Variants in PXDNL observed in about 807,000 individuals in gnomAD.
PXDNL encodes probable oxidoreductase PXDNL.
In PXDNL, 145 loss-of-function variants were observed where a neutral mutation model predicts 150.8. That is an observed-to-expected ratio of 0.96 (90% CI 0.84 to 1.10). PXDNL has a LOEUF of 1.10. Ranked by LOEUF, PXDNL falls within the 50% of genes least tolerant of loss-of-function variation. The pLI, the probability that PXDNL is intolerant of heterozygous loss-of-function variation, is 0.00. For synonymous variants in PXDNL, 757 were observed against 725.7 expected (o/e 1.04, Z -0.69); for missense variants, 2,087 against 1,873.9 (o/e 1.11, Z -2.10).
chr8:51,436,042 A>G, intron 12 of PXDNL: 1 of 528,400 alleles, frequency 1.9e-6, no homozygotes, highest in South Asian at 1.4e-5. Flanking sequence ...TGTTCAAAAT[A>G]GTCATAGCCT....
At chr8:51,648,377 A>C (rs773211613) in intron 2 of PXDNL, among the ~76,000 whole-genome samples, 2 of 152,222 alleles carry the variant, frequency 1.3e-5, no homozygotes, top group African/African-American at 2.4e-5. Flanking sequence ...GAGACTCTAC[A>C]GACACTGAAT....
chr8:51,700,402 TACAC>T (rs144729608), intron 1 of PXDNL, among the ~76,000 whole-genome samples: 2 of 150,144 alleles, frequency 1.3e-5, no homozygotes, highest in African/African-American at 2.5e-5. Context: ...GAGATATAAA[TACAC>T]ACACACAAAC....
chr8:51,426,505 C>A (rs897853136), intron 13 of PXDNL, 141 bp downstream of exon 13: 5 of 539,354 alleles, frequency 9.3e-6, no homozygotes, highest in African/African-American at 7.7e-5. Context: ...GGAAGTAAAC[C>A]TGCTGCAATG....
chr8:51,765,989 G>A (rs960885835), intron 1 of PXDNL, among the ~76,000 whole-genome samples: 5 of 151,548 alleles, frequency 3.3e-5, no homozygotes, highest in Admixed American at 6.6e-5. Flanking sequence ...CACTACAGGC[G>A]CCCGCCACCA....
At chr8:51,777,194 G>A (rs1234505980) in intron 1 of PXDNL, among the ~76,000 whole-genome samples, 15 of 152,182 alleles carry the variant, frequency 9.9e-5, no homozygotes, top group Admixed American at 9.8e-4. Context: ...GGGAATACGA[G>A]TTCCAATCTT....
intron 4 of PXDNL, among the ~76,000 whole-genome samples, chr8:51,504,142 T>C (rs1378954349): frequency 2.0e-5 from 3 of 152,174 alleles, no homozygotes; most frequent in Non-Finnish European, 4.4e-5. Context: ...TCCATTCTCC[T>C]CTTACCCACT....
chr8:51,570,971 T>C (rs1344572580), intron 3 of PXDNL, among the ~76,000 whole-genome samples: 1 of 151,846 alleles, frequency 6.6e-6, no homozygotes, highest in African/African-American at 2.4e-5. Context: ...AAGTTTCTCC[T>C]ATATCCTAAA....
chr8:51,379,740 G>T (rs1470988010), intron 17 of PXDNL, among the ~76,000 whole-genome samples: 1 of 151,888 alleles, frequency 6.6e-6, no homozygotes, highest in Non-Finnish European at 1.5e-5. Context: ...TTTCCCCAAT[G>T]CCATAGAGAT....
At chr8:51,738,539 C>T (rs1465182590) in intron 1 of PXDNL, among the ~76,000 whole-genome samples, 2 of 151,904 alleles carry the variant, frequency 1.3e-5, no homozygotes, top group East Asian at 3.9e-4. Flanking sequence ...TATATTGCAA[C>T]TTAGCTAAAC....
Position 51,457,568 on chromosome 8 carries a change from C to T in PXDNL, c.912G>A (p.Gln304=). The T allele has an allele frequency of 6.2e-7, 1 of 1,611,292 alleles. No individual in the cohort carries two copies. The highest frequency in any genetic ancestry group is 8.5e-7 in the Non-Finnish European group (1 of 1,179,824). The change falls in exon 9 of 23, where the codon CAG becomes CAA. Residue 304 remains glutamine (Q), a synonymous_variant. Coordinates refer to ENST00000356297, the MANE Select transcript of PXDNL (RefSeq NM_144651.5). ...CCCCAGCGGAATTTCTGGCCATGCACTGATAGACACCTTGGTCTGACTCTC... is the reference window on the plus strand; with the variant it reads ...CCCCAGCGGAATTTCTGGCCATGCATTGATAGACACCTTGGTCTGACTCTC... ...NTRESDQGVY[Q]CMARNSAGEA... is the part of the protein sequence containing the mutation.
chr8:51,642,479 CA>C (rs1370013527), intron 2 of PXDNL, among the ~76,000 whole-genome samples: 2 of 152,108 alleles, frequency 1.3e-5, no homozygotes, highest in Non-Finnish European at 2.9e-5. Flanking sequence ...AGGCCTTTGA[CA>C]AAATTCAACA....
rs1241248177 is a variant in PXDNL at position 51,565,312 on chromosome 8, A to AG, written c.309-8402_309-8401insC. 6.8e-4 allele frequency among the ~76,000 whole-genome samples: 92 copies of AG among 134,988 alleles called. 1 individual carries two copies. The highest frequency in any genetic ancestry group is 7.1e-3 in the Middle Eastern group (2 of 282). 88.6% of individuals were successfully genotyped at this position (134,988 alleles called of 152,430 possible). ...TAAATAAATAAATAAATAAATAAAT[A>AG]AATAAATAAATAGATAGATAGATAG... On this transcript the variant is annotated intron_variant, in intron 3 of 22. Transcript: ENST00000356297.
chr8:51,617,215 C>T (rs1814147810), intron 2 of PXDNL, among the ~76,000 whole-genome samples: 1 of 152,112 alleles, frequency 6.6e-6, no homozygotes, highest in African/African-American at 2.4e-5. Context: ...TAAATAAATG[C>T]ACATGAAATT....
chr8:51,345,948 CTG>C lies in PXDNL; in HGVS notation c.3902-3_3902-2del, dbSNP rs1308260697. 1 of 1,596,106 alleles carries C rather than the reference CTG, an allele frequency of 6.3e-7. No homozygotes were observed. The highest frequency in any genetic ancestry group is 1.7e-5 in the Admixed American group (1 of 59,920). On this transcript the variant is annotated splice_acceptor_variant and splice_polypyrimidine_tract_variant and intron_variant, in intron 19 of 22. Coordinates refer to ENST00000356297, the MANE Select transcript of PXDNL (RefSeq NM_144651.5). LOFTEE classifies it high-confidence loss of function. ...CTGAACTGTCCTCTACTCCTACAGT[CTG>C]TGGGGAAAGAAGTAACCACAATAGC...
At position 51,345,790 on chromosome 8, in the gene PXDNL, C is replaced by CTA. The variant is rs754306345; in HGVS notation, c.4016+41_4016+42dup. On this transcript the variant is annotated intron_variant, in intron 20 of 22. Transcript: ENST00000356297. Reference sequence around the variant, plus strand: ...AACAAATTGTAGGTTTGAAGCAAATCTATAGTAAGTTGCCTAAAGAAATGA... The same window carrying CTA: ...AACAAATTGTAGGTTTGAAGCAAATCTATATAGTAAGTTGCCTAAAGAAATGA... The CTA allele has an allele frequency of 4.0e-6, 5 of 1,238,390 alleles. No individual in the cohort carries two copies. The African/African-American group carries it at 7.5e-5, about 18-fold the overall frequency. The allele number at this position is 1,238,390 out of a possible 1,614,324, so 76.7% of individuals were successfully genotyped here.
At chr8:51,528,916 C>T (rs1811823804) in intron 4 of PXDNL, among the ~76,000 whole-genome samples, 1 of 152,144 alleles carries the variant, frequency 6.6e-6, no homozygotes, top group Non-Finnish European at 1.5e-5. Context: ...CATGCTGACA[C>T]TTAGATTTAG....
At chr8:51,384,995 G>T (rs1252618092) in intron 17 of PXDNL, among the ~76,000 whole-genome samples, 1 of 152,082 alleles carries the variant, frequency 6.6e-6, no homozygotes, top group Non-Finnish European at 1.5e-5. Context: ...CAATAAGACA[G>T]AGATAAGTCC....
chr8:51,741,699 A>G (rs755635132), intron 1 of PXDNL, among the ~76,000 whole-genome samples: 1 of 152,228 alleles, frequency 6.6e-6, no homozygotes, highest in Non-Finnish European at 1.5e-5. Flanking sequence ...AATCTATTCA[A>G]ATAATTTTGA....
intron 3 of PXDNL, among the ~76,000 whole-genome samples, chr8:51,561,665 A>G (rs1258610053): frequency 6.6e-6 from 1 of 151,986 alleles, no homozygotes; most frequent in East Asian, 1.9e-4. Context: ...TGAGGAAGAT[A>G]GAGTAGTAAA....
Sources: gnomAD v4.1 joint callset for allele counts (sites outside exome capture counted in the v4.1 genomes callset) on GRCh38, gnomAD v4.1.1 for gene constraint, MANE v1.5 for transcripts, NCBI Gene and HGNC (gene_info 2026-07-23, HGNC 2026-07-21) for gene names.